The following SCAI variants were observed in gnomAD, a reference collection of about 807,000 sequenced individuals.
SCAI encodes the protein protein SCAI.
In SCAI, 24 loss-of-function variants were observed where a neutral mutation model predicts 92.2. The observed-to-expected ratio is 0.26, with a 90% CI of 0.19 to 0.37. The LOEUF (loss-of-function observed/expected upper bound fraction) is 0.37. SCAI is among the 10% of genes least tolerant of loss of function. The probability of loss-of-function intolerance (pLI) is 1.00; values close to 1 mark genes in which losing one functional copy is unlikely to be tolerated. For synonymous variants in SCAI, 261 were observed against 258.6 expected, an observed-to-expected ratio of 1.01 and a Z score of -0.09; for missense variants, 450 against 736.2, an observed-to-expected ratio of 0.61 and a Z score of 4.50.
At chr9:124,990,907 T>C (rs532189110) in intron 14 of SCAI, among the ~76,000 whole-genome samples, 3 of 152,266 alleles carry the variant, frequency 2.0e-5, no homozygotes, top group South Asian at 4.2e-4. Flanking sequence ...ATAAATACTG[T>C]AGCTGAGACC....
chr9:125,040,823 C>T (rs1277193357), intron 3 of SCAI, among the ~76,000 whole-genome samples: 8 of 150,812 alleles, frequency 5.3e-5, no homozygotes, highest in African/African-American at 2.0e-4. Context: ...TTAATAGAGA[C>T]GGGGTTTCAC....
chr9:125,010,428 G>A (rs1185112338), intron 9 of SCAI, among the ~76,000 whole-genome samples: 1 of 152,180 alleles, frequency 6.6e-6, no homozygotes, highest in Non-Finnish European at 1.5e-5. Context: ...CTCGCTGATT[G>A]CTAGCACAGC....
intron 9 of SCAI, among the ~76,000 whole-genome samples, chr9:125,017,045 A>T (rs1160788691): frequency 6.6e-6 from 1 of 152,166 alleles, no homozygotes; most frequent in Non-Finnish European, 1.5e-5. Context: ...AGTTCAACAC[A>T]TAAATCTGAC....
intron 2 of SCAI, among the ~76,000 whole-genome samples, chr9:125,098,380 T>C (rs1834609962): frequency 6.6e-6 from 1 of 152,114 alleles, no homozygotes; most frequent in South Asian, 2.1e-4. Context: ...TGACAGAAAA[T>C]ATAACAATGT....
intron 3 of SCAI, among the ~76,000 whole-genome samples, chr9:125,044,026 C>T (rs773500862): frequency 5.3e-5 from 8 of 152,164 alleles, no homozygotes; most frequent in Non-Finnish European, 1.0e-4. Flanking sequence ...GTACCTGCTC[C>T]TGCTCCCTGG....
chr9:125,100,665 T>C (rs1834658921), intron 2 of SCAI, among the ~76,000 whole-genome samples: 1 of 152,142 alleles, frequency 6.6e-6, no homozygotes, highest in African/African-American at 2.4e-5. Context: ...ACAAATTATA[T>C]AAATTACATA....
At chr9:125,084,158 C>CTTTTTTTTTTTTTTTTTT (rs34786493) in intron 2 of SCAI, among the ~76,000 whole-genome samples, 3 of 65,116 alleles carry the variant, frequency 4.6e-5, no homozygotes, top group African/African-American at 6.6e-5. Flanking sequence ...TTGGCTGCTG[C>CTTTTTTTTTTTTTTTTTT]TTTTTTTTTT....
intron 2 of SCAI, among the ~76,000 whole-genome samples, chr9:125,079,748 A>G (rs1834171583): frequency 6.7e-6 from 1 of 149,262 alleles, no homozygotes; most frequent in South Asian, 2.1e-4. Context: ...GTATTGGCAA[A>G]CACGTTGGTG....
chr9:124,959,806 A>G (rs1831404640), intron 17 of SCAI, among the ~76,000 whole-genome samples: 1 of 150,294 alleles, frequency 6.7e-6, no homozygotes, highest in African/African-American at 2.4e-5. Flanking sequence ...TGTCCTTGCG[A>G]CAGTTTGCTG....
Position 125,020,782 on chromosome 9 carries a change from A to C in SCAI, c.513-13T>G. On this transcript the variant is annotated splice_polypyrimidine_tract_variant and intron_variant, in intron 6 of 17. Transcript: ENST00000336505. The stretch of plus-strand genomic sequence containing the variant: ...TACCAATTCAGGTCTATGGAAGATA[A>C]ATGAAAAATTACTCATTAGATTAAA... The C allele has an allele frequency of 1.7e-6, 2 of 1,178,938 alleles. No homozygotes were observed. The highest frequency in any genetic ancestry group is 2.4e-6 in the Non-Finnish European group (2 of 827,204). 73.0% of individuals were successfully genotyped at this position (1,178,938 alleles called of 1,614,324 possible).
intron 2 of SCAI, among the ~76,000 whole-genome samples, chr9:125,139,917 T>C (rs1224609036): frequency 2.6e-5 from 4 of 152,206 alleles, no homozygotes; most frequent in Non-Finnish European, 5.9e-5. Context: ...AATTTTCTAG[T>C]AGCCATATTA....
chr9:124,974,466 A>G (rs1252354837), intron 15 of SCAI, among the ~76,000 whole-genome samples: 1 of 149,172 alleles, frequency 6.7e-6, no homozygotes, highest in Non-Finnish European at 1.5e-5. Context: ...AAAAAAAAAA[A>G]TTGAATAAAT....
At chr9:125,054,493 G>A (rs1372654665) in intron 3 of SCAI, among the ~76,000 whole-genome samples, 1 of 151,564 alleles carries the variant, frequency 6.6e-6, no homozygotes. Context: ...GGTACATACT[G>A]GGTGCCAATT....
Position 125,012,437 on chromosome 9 carries a change from GC to G in SCAI, c.861+6361del, listed in dbSNP as rs377625639. 2.8e-4 allele frequency among the ~76,000 whole-genome samples: 43 copies of G among 152,196 alleles called. No individual in the cohort carries two copies. The East Asian group carries it at 6.4e-3, about 23-fold the overall frequency. On this transcript the variant is annotated intron_variant, in intron 9 of 17. Coordinates refer to ENST00000336505, the MANE Select transcript of SCAI (RefSeq NM_001144877.3). ...ACAAAGATCAAAAGAGATAAAGAAG[GC>G]CATTACATAATGGTAAAGGGATCGA...
At chr9:124,994,016 A>G (rs1832186553) in intron 14 of SCAI, among the ~76,000 whole-genome samples, 1 of 151,634 alleles carries the variant, frequency 6.6e-6, no homozygotes, top group South Asian at 2.1e-4. Context: ...ATCCACCTTT[A>G]AAGTGTTTCA....
At position 125,019,122 on chromosome 9, in the gene SCAI, T is replaced by C. The variant is rs536241833; in HGVS notation, c.693A>G (p.Val231=). ...QVEWNLVLQE[V]AAFIEADPVM... ...AAAAACTGACCTCAATGAAAGCTGC[T>C]ACTTCTTGAAGCACCAAGTTCCATT... Residue 231 remains valine (V), a synonymous_variant, in exon 8 of 18, where the codon GTA becomes GTG. Coordinates refer to ENST00000336505, the MANE Select transcript of SCAI (RefSeq NM_001144877.3). 6.2e-7 allele frequency: 1 copy of C among 1,602,694 alleles called. No homozygotes were observed. Among genetic ancestry groups the C allele is most frequent in the Admixed American group, 1.7e-5 (1 of 57,670 alleles).
rs1831661093 is a variant in SCAI, at chr9:124,971,662, G to A, written c.1573+9C>T. ...TTCTGTTAAACGTGCAGTTAGATTA[G>A]GAGGGTACCTATTGAACGTGAATGA... On this transcript the variant is annotated intron_variant, in intron 16 of 17. Transcript: ENST00000336505. 6.3e-7 allele frequency: 1 copy of A among 1,590,488 alleles called. No homozygotes were observed. Among genetic ancestry groups the A allele is most frequent in the East Asian group, 2.2e-5 (1 of 44,702 alleles).
intron 2 of SCAI, among the ~76,000 whole-genome samples, chr9:125,106,365 T>G (rs1476036910): frequency 6.6e-6 from 1 of 151,286 alleles, no homozygotes; most frequent in Non-Finnish European, 1.5e-5. Context: ...CTGTCTGACA[T>G]CCTCAGGGAT....
Position 125,113,823 on chromosome 9 carries a change from G to A in SCAI, c.98+28810C>T, listed in dbSNP as rs539878667. The stretch of plus-strand genomic sequence containing the variant: ...ACTAAAAATACAAAATTAGCCGGGC[G>A]TGGTGGTGCATGCCTGTAATCCCAG... On this transcript the variant is annotated intron_variant, in intron 2 of 17. Coordinates refer to ENST00000336505, the MANE Select transcript of SCAI (RefSeq NM_001144877.3). 3.3e-5 allele frequency among the ~76,000 whole-genome samples: 5 copies of A among 152,120 alleles called. No individual in the cohort carries two copies. The East Asian group carries it at 5.8e-4, about 18-fold the overall frequency.
Sources: gnomAD v4.1 joint callset for allele counts (sites outside exome capture counted in the v4.1 genomes callset) on GRCh38, gnomAD v4.1.1 for gene constraint, MANE v1.5 for transcripts, NCBI Gene and HGNC (gene_info 2026-07-23, HGNC 2026-07-21) for gene names.